Variants in PPP6R2 observed in about 807,000 individuals in gnomAD.
PPP6R2 encodes the protein serine/threonine-protein phosphatase 6 regulatory subunit 2.
Under a neutral mutation model 100.2 loss-of-function variants are expected in PPP6R2, and 62 were observed. The ratio of observed to expected loss-of-function variants is 0.62; its 90% CI spans 0.50 to 0.76. The LOEUF is 0.76. Ranked by LOEUF, PPP6R2 falls within the 30% of genes least tolerant of loss-of-function variation. The probability of loss-of-function intolerance (pLI) is 0.00; values close to 1 mark genes in which losing one functional copy is unlikely to be tolerated. For synonymous variants in PPP6R2, 525 were observed against 514.7 expected, an observed-to-expected ratio of 1.02 and a Z score of -0.27; for missense variants, 1,142 against 1,276.3, an observed-to-expected ratio of 0.89 and a Z score of 1.60.
At chr22:50,400,246 G>A (rs1021866274) in intron 3 of PPP6R2, among the ~76,000 whole-genome samples, 1 of 152,156 alleles carries the variant, frequency 6.6e-6, no homozygotes, top group Non-Finnish European at 1.5e-5. Flanking sequence ...ACAGTTCCTG[G>A]GCCACTGACC....
At chr22:50,424,367 G>T (rs1049028105) in intron 10 of PPP6R2, among the ~76,000 whole-genome samples, 11 of 151,556 alleles carry the variant, frequency 7.3e-5, no homozygotes, top group African/African-American at 2.7e-4. Context: ...GTCCGTCCGC[G>T]TGTGGAAGGT....
chr22:50,428,198 T>C (rs1280335962), intron 10 of PPP6R2, among the ~76,000 whole-genome samples: 1 of 152,248 alleles, frequency 6.6e-6, no homozygotes, highest in Non-Finnish European at 1.5e-5. Flanking sequence ...AGCAGTGTTT[T>C]GTAGTTTTCA....
chr22:50,431,924 G>A lies in PPP6R2; in HGVS notation c.1336-341G>A, dbSNP rs1463606189. Among the ~76,000 whole-genome samples the A allele has an allele frequency of 3.9e-5, 6 of 152,174 alleles. No homozygotes were observed. Among genetic ancestry groups the A allele is most frequent in the African/African-American group, 1.4e-4 (6 of 41,436 alleles). On this transcript the variant is annotated intron_variant, in intron 11 of 23. Transcript: ENST00000612753. The surrounding 1 kb of genome is among the most constrained non-coding windows in gnomAD (Gnocchi z 4.8). The stretch of plus-strand genomic sequence containing the variant: ...CGTTCTTCCGGACACAGAGAAAGAG[G>A]GCAGGAGAGTGGCCAAAGTGGAGGG...
At chr22:50,440,149 G>T in intron 21 of PPP6R2, 100 bp downstream of exon 21, 2 of 1,074,856 alleles carry the variant, frequency 1.9e-6, no homozygotes, top group East Asian at 5.0e-5. Context: ...GGTGGCCGGG[G>T]CCTCGCATGC....
At chr22:50,385,814 C>CTT (rs1192671164) in intron 2 of PPP6R2, among the ~76,000 whole-genome samples, 1,825 of 75,394 alleles carry the variant, frequency 0.024, 394 homozygotes, top group African/African-American at 0.081. Context: ...CCGCGCCCAG[C>CTT]TTTTTTTTTT....
intron 1 of PPP6R2, among the ~76,000 whole-genome samples, chr22:50,344,436 T>C (rs903827843): frequency 1.7e-3 from 1 of 584 alleles, no homozygotes; most frequent in African/African-American, 0.016. Flanking sequence ...CAGTGCCCCC[T>C]CCAGTCAGTT....
In PPP6R2 at chr22:50,444,499, A is replaced by G; in HGVS notation, c.*252A>G. ...TCAGCCGCCCCCAAGCCCAGAGCAC[A>G]GCAATAAGGTCGGCCTGCAGGAGCC... is the stretch of plus-strand genomic sequence containing the variant. On this transcript the variant is annotated 3_prime_UTR_variant, in exon 24 of 24. Transcript: ENST00000612753. The G allele has an allele frequency of 3.6e-6, 1 of 275,858 alleles. No homozygotes were observed. The highest frequency in any genetic ancestry group is 1.3e-4 in the East Asian group (1 of 7,672). The allele number at this position is 275,858 out of a possible 1,614,324, so 17.1% of individuals were successfully genotyped here. A position where few individuals can be genotyped will look rare whatever the true frequency, so the allele number is the denominator to read the frequency against.
chr22:50,414,426 TG>T, intron 4 of PPP6R2, 125 bp from the exon 5 acceptor site: 1 of 1,019,604 alleles, frequency 9.8e-7, no homozygotes, highest in East Asian at 3.6e-5. Flanking sequence ...CAATCTTGTC[TG>T]GGTCTTTCCG....
chr22:50,443,616 TGAGTGCTGCCTG>T, intron 22 of PPP6R2: 1 of 563,824 alleles, frequency 1.8e-6, no homozygotes, highest in Non-Finnish European at 3.2e-6. Flanking sequence ...GAGCAGGATC[TGAGTGCTGCCTG>T]GAGGAGGTTT....
chr22:50,432,367 C>T, intron 12 of PPP6R2, 38 bp downstream of exon 12: 1 of 1,525,032 alleles, frequency 6.6e-7, no homozygotes, highest in South Asian at 1.2e-5. Flanking sequence ...CCAGCCTGGC[C>T]AGTCAGGGAT....
chr22:50,366,211 C>T (rs753306560), intron 1 of PPP6R2, among the ~76,000 whole-genome samples: 4 of 151,902 alleles, frequency 2.6e-5, no homozygotes, highest in Non-Finnish European at 5.9e-5. Context: ...AGGCAAACGT[C>T]TTCTGAGCAT....
At chr22:50,427,921 C>T (rs534805181) in intron 10 of PPP6R2, among the ~76,000 whole-genome samples, 8 of 152,340 alleles carry the variant, frequency 5.3e-5, no homozygotes, top group South Asian at 4.1e-4. Flanking sequence ...AGGGTTTCAC[C>T]ATATTAGCCA....
In PPP6R2 at chr22:50,384,742, T is replaced by G. The variant is rs1225294026; in HGVS notation, c.-16-9151T>G. 4.6e-5 allele frequency among the ~76,000 whole-genome samples: 7 copies of G among 152,014 alleles called. No individual in the cohort carries two copies. The South Asian group carries it at 1.2e-3, about 27-fold the overall frequency. On this transcript the variant is annotated intron_variant, in intron 2 of 23. Coordinates refer to ENST00000612753, the MANE Select transcript of PPP6R2 (RefSeq NM_001242898.2). ...CTCAGGTCTTTCTTCCTTTTTTTTT[T>G]GTTTTGTTTTTTTAAGAGATGGGGT...
intron 4 of PPP6R2, among the ~76,000 whole-genome samples, chr22:50,414,120 G>C (rs377509218): frequency 6.6e-6 from 1 of 152,114 alleles, no homozygotes; most frequent in Non-Finnish European, 1.5e-5. Flanking sequence ...CTGGCGTCTT[G>C]TGCACTCTGT....
chr22:50,347,132 G>T (rs1444689313), intron 1 of PPP6R2, among the ~76,000 whole-genome samples: 2 of 151,634 alleles, frequency 1.3e-5, no homozygotes, highest in Non-Finnish European at 2.9e-5. Context: ...CGGCCTCTGT[G>T]TTAGTGCCTG....
intron 4 of PPP6R2, 92 bp from the exon 5 acceptor site, chr22:50,414,460 C>T: frequency 1.4e-6 from 2 of 1,390,958 alleles, no homozygotes; most frequent in Non-Finnish European, 2.0e-6. Context: ...AATATAATTA[C>T]TAGTTCAACT....
At chr22:50,429,576 C>T (rs1393302815) in intron 10 of PPP6R2, among the ~76,000 whole-genome samples, 3 of 152,124 alleles carry the variant, frequency 2.0e-5, no homozygotes, top group Non-Finnish European at 4.4e-5. Flanking sequence ...CTTGTAGTGT[C>T]CTCATTCAGC....
At chr22:50,335,423 C>T in the PPP6R2 span, among the ~76,000 whole-genome samples, 4 of 151,904 alleles carry the variant, frequency 2.6e-5, no homozygotes, top group Non-Finnish European at 5.9e-5. Flanking sequence ...TGGTCTCAAA[C>T]TGACCTTGTG....
chr22:50,385,608 C>T (rs1447515824), intron 2 of PPP6R2, among the ~76,000 whole-genome samples: 32 of 151,018 alleles, frequency 2.1e-4, no homozygotes, highest in Admixed American at 1.7e-3. Flanking sequence ...CTCTCCCTCC[C>T]GGGTTCAAGC....
Sources: allele counts gnomAD v4.1 joint callset (sites outside exome capture counted in the v4.1 genomes callset), GRCh38; gene constraint gnomAD v4.1.1; non-coding constraint Gnocchi (gnomAD v3.1); transcripts MANE v1.5; gene names NCBI Gene and HGNC (gene_info 2026-07-23, HGNC 2026-07-21).